Variants in ABCC5 observed in about 807,000 individuals in gnomAD.
ABCC5 encodes the protein ATP-binding cassette sub-family C member 5.
Under a neutral mutation model 160.9 loss-of-function variants are expected in ABCC5, and 61 were observed. The ratio of observed to expected loss-of-function variants is 0.38; its 90% CI spans 0.31 to 0.47. ABCC5 has a LOEUF of 0.47. Among genes scored for constraint, ABCC5 ranks in the 20% least tolerant of loss-of-function variants. The pLI, the probability that ABCC5 is intolerant of heterozygous loss-of-function variation, is 0.99. For missense variants in ABCC5, 1,308 were observed against 1,813.3 expected, an observed-to-expected ratio of 0.72 and a Z score of 5.06; for synonymous variants, 666 against 700.6, an observed-to-expected ratio of 0.95 and a Z score of 0.78.
intron 15 of ABCC5, among the ~76,000 whole-genome samples, 182 bp from the exon 16 acceptor site, chr3:183,961,836 G>T (rs936192810): frequency 1.3e-5 from 2 of 152,138 alleles, no homozygotes; most frequent in African/African-American, 2.4e-5. Flanking sequence ...CTGGAGCGTG[G>T]TGGCGCAATC....
chr3:183,966,057 T>C (rs1386385155), intron 12 of ABCC5, among the ~76,000 whole-genome samples: 2 of 152,168 alleles, frequency 1.3e-5, no homozygotes, highest in Admixed American at 6.5e-5. Flanking sequence ...TGCTTTGAAG[T>C]TTGTGTTCAG....
At chr3:184,010,058 G>A (rs1261900146) in intron 2 of ABCC5, 3 of 349,264 alleles carry the variant, frequency 8.6e-6, no homozygotes, top group Middle Eastern at 1.0e-3. Flanking sequence ...TGTAATCCCA[G>A]TACTTTGGGA....
chr3:183,931,431 C>G (rs1713174108), intron 26 of ABCC5, among the ~76,000 whole-genome samples: 1 of 151,552 alleles, frequency 6.6e-6, no homozygotes, highest in Non-Finnish European at 1.5e-5. Context: ...CCGCCAGGTT[C>G]AAGCAATTCT....
intron 25 of ABCC5, among the ~76,000 whole-genome samples, chr3:183,939,332 C>G (rs1198346536): frequency 6.6e-6 from 1 of 152,160 alleles, no homozygotes; most frequent in African/African-American, 2.4e-5. Flanking sequence ...ACTTGGGAAG[C>G]TAAGGCAGGA....
In ABCC5 at chr3:183,967,768, T is replaced by C. The variant is rs1717359462; in HGVS notation, c.1762-2A>G. The stretch of plus-strand genomic sequence containing the variant: ...GCCACAGATTCCAACCAGTTTACCC[T>C]GGACAAGGCACACAGAGAGGAGGGT... On this transcript the variant is annotated splice_acceptor_variant, in intron 11 of 29. Coordinates refer to ENST00000334444, the MANE Select transcript of ABCC5 (RefSeq NM_005688.4). LOFTEE classifies it high-confidence loss of function. 1 of 1,612,318 alleles carries C rather than the reference T, an allele frequency of 6.2e-7. No homozygotes were observed. Among genetic ancestry groups the C allele is most frequent in the African/African-American group, 1.3e-5 (1 of 74,870 alleles).
intron 2 of ABCC5, among the ~76,000 whole-genome samples, chr3:183,991,320 AAAAC>A (rs538145070): frequency 1.5e-4 from 23 of 152,150 alleles, no homozygotes; most frequent in Admixed American, 3.9e-4. Context: ...AAAAAAACAA[AAAAC>A]AAACAAACAA....
At chr3:183,930,910 T>C (rs1042017179) in intron 26 of ABCC5, among the ~76,000 whole-genome samples, 6 of 152,212 alleles carry the variant, frequency 3.9e-5, no homozygotes, top group Non-Finnish European at 8.8e-5. Context: ...TGCCTCTGGA[T>C]CAAAGAGCAG....
chr3:183,938,280 G>A (rs185184891), intron 25 of ABCC5, among the ~76,000 whole-genome samples: 2 of 152,224 alleles, frequency 1.3e-5, no homozygotes, highest in African/African-American at 4.8e-5. Flanking sequence ...GCCTGAGAAG[G>A]AAGGGAAGGG....
At chr3:183,957,709 C>T (rs1205137154) in intron 17 of ABCC5, among the ~76,000 whole-genome samples, 2 of 151,362 alleles carry the variant, frequency 1.3e-5, no homozygotes, top group East Asian at 1.9e-4. Flanking sequence ...ACATCGGTTA[C>T]ATGCGGATCC....
In ABCC5 at chr3:183,927,427, A is replaced by G. The variant is rs1712694620; in HGVS notation, c.3950T>C (p.Leu1317Pro). The change falls in exon 28 of 30, where the codon CTG becomes CCG. Residue 1317 changes from leucine to proline, a missense_variant. Around this residue, in one of 3 missense-constraint regions of ABCC5, gnomAD observed 163 missense variants for 269.7 expected, o/e 0.60. Coordinates refer to ENST00000334444, the MANE Select transcript of ABCC5 (RefSeq NM_005688.4). ...CTCCATCACTTCAGATTCAAGTTTC[A>G]GAGGTAGCTGAGCAATCTAGGGAGA... ...HMKECIAQLP[L>P]KLESEVMENG... 1.9e-6 allele frequency: 3 copies of G among 1,613,048 alleles called. No individual in the cohort carries two copies. In the South Asian group the frequency reaches 3.3e-5, roughly 18 times the overall value.
chr3:184,002,155 T>G (rs997610657), intron 2 of ABCC5, among the ~76,000 whole-genome samples: 3 of 152,068 alleles, frequency 2.0e-5, no homozygotes, highest in African/African-American at 7.2e-5. Context: ...CCCAGCATTT[T>G]GGGAGGCCAA....
At chr3:184,002,380 C>G (rs1288980332) in intron 2 of ABCC5, among the ~76,000 whole-genome samples, 1 of 148,778 alleles carries the variant, frequency 6.7e-6, no homozygotes, top group East Asian at 2.0e-4. Context: ...GCCTGGGCAA[C>G]AGAGCCAGAC....
rs749557977 is a variant in ABCC5 at position 183,963,372 on chromosome 3, G to A, written c.2235+13C>T. On this transcript the variant is annotated intron_variant, in intron 15 of 29. Transcript: ENST00000334444. The surrounding 1 kb of genome is among the most constrained non-coding windows in gnomAD (Gnocchi z 4.6). ...AAACTCAGGCAGGCAGCCGAGGGAAGAAAGAACCATACCTGTAACTGGTGG... is the reference window on the plus strand; with the variant it reads ...AAACTCAGGCAGGCAGCCGAGGGAAAAAAGAACCATACCTGTAACTGGTGG... The A allele has an allele frequency of 1.9e-6, 3 of 1,614,000 alleles. No homozygotes were observed. In the African/African-American group the frequency reaches 4.0e-5, roughly 22 times the overall value.
chr3:183,924,010 CT>C (rs200040197), intron 29 of ABCC5, among the ~76,000 whole-genome samples: 363 of 112,712 alleles, frequency 3.2e-3, no homozygotes, highest in African/African-American at 5.5e-3. Context: ...TTACTGTTTG[CT>C]TTTTTTTTTT....
intron 20 of ABCC5, among the ~76,000 whole-genome samples, chr3:183,950,667 T>G (rs1715264438): frequency 1.3e-5 from 2 of 152,204 alleles, no homozygotes; most frequent in Admixed American, 6.5e-5. Flanking sequence ...TTTTTTTCTT[T>G]TTTCCATTCA....
At chr3:183,970,331 T>G (rs74601161) in intron 11 of ABCC5, among the ~76,000 whole-genome samples, 105 of 152,276 alleles carry the variant, frequency 6.9e-4, no homozygotes, top group African/African-American at 2.5e-3. Context: ...CTCATCTCCT[T>G]TGATCTTTGC....
intron 5 of ABCC5, chr3:183,985,136 T>G (rs1175239923): frequency 2.8e-6 from 2 of 701,936 alleles, no homozygotes; most frequent in East Asian, 5.3e-5. Flanking sequence ...AACCATTTTT[T>G]AGGGGATAAA....
intron 1 of ABCC5, among the ~76,000 whole-genome samples, chr3:184,015,046 C>A (rs1050191766): frequency 3.3e-5 from 5 of 152,028 alleles, no homozygotes; most frequent in Non-Finnish European, 5.9e-5. Flanking sequence ...TGAAAATGTT[C>A]TAAAACTAGA....
chr3:183,964,834 A>G (rs1717070355), intron 14 of ABCC5, among the ~76,000 whole-genome samples: 1 of 152,214 alleles, frequency 6.6e-6, no homozygotes. Context: ...CTCTCTACAG[A>G]CTATCTGAGT....
Sources: gnomAD v4.1 joint callset for allele counts (sites outside exome capture counted in the v4.1 genomes callset) on GRCh38, gnomAD v4.1.1 for gene constraint, gnomAD v4.1.1 regional missense constraint, Gnocchi (gnomAD v3.1) non-coding constraint, MANE v1.5 for transcripts, NCBI Gene and HGNC (gene_info 2026-07-23, HGNC 2026-07-21) for gene names.